ITPKB: variants seen among roughly 807,000 people sequenced by gnomAD.
The protein encoded by ITPKB is IP3 3-kinase B.
In ITPKB, 13 loss-of-function variants were observed where a neutral mutation model predicts 69.4. That is an observed-to-expected ratio of 0.19 (90% CI 0.12 to 0.30). The LOEUF (loss-of-function observed/expected upper bound fraction) is 0.30. Among genes scored for constraint, ITPKB ranks in the 10% least tolerant of loss-of-function variants. The pLI, the probability that ITPKB is intolerant of heterozygous loss-of-function variation, is 1.00. For missense variants in ITPKB, 1,240 were observed against 1,250.5 expected (o/e 0.99, Z 0.13); for synonymous variants, 584 against 513.7 (o/e 1.14, Z -1.85).
Position 226,739,175 on chromosome 1 carries a change from G to C in ITPKB, c.-340C>G, listed in dbSNP as rs931177990. 6.6e-6 allele frequency: 1 copy of C among 152,190 alleles called. No homozygotes were observed. The highest frequency in any genetic ancestry group is 1.9e-4 in the East Asian group (1 of 5,192). The allele number at this position is 152,190 out of a possible 1,614,324, so 9.4% of individuals were successfully genotyped here. Reference sequence around the variant, plus strand: ...ACAAGCTATGGAAGACAAAAAAGAGGAGTGCGAAAGAGGGGGGAAAGCTCT... The same window carrying C: ...ACAAGCTATGGAAGACAAAAAAGAGCAGTGCGAAAGAGGGGGGAAAGCTCT... On this transcript the variant is annotated 5_prime_UTR_variant, in exon 1 of 8. Transcript: ENST00000429204.
intron 7 of ITPKB, among the ~76,000 whole-genome samples, chr1:226,635,517 T>C (rs1433290576): frequency 6.6e-6 from 1 of 152,166 alleles, no homozygotes; most frequent in South Asian, 2.1e-4. Context: ...TGAATCACAC[T>C]GCACCTGGGC....
chr1:226,676,791 A>G (rs1205832452), intron 2 of ITPKB, among the ~76,000 whole-genome samples: 1 of 152,256 alleles, frequency 6.6e-6, no homozygotes, highest in African/African-American at 2.4e-5. Flanking sequence ...TTTCTAAATA[A>G]GTTTATCCAA....
At chr1:226,724,927 G>A (rs1657362340) in intron 2 of ITPKB, among the ~76,000 whole-genome samples, 1 of 152,180 alleles carries the variant, frequency 6.6e-6, no homozygotes. Context: ...GCCTCCGTGA[G>A]CCTCTGGATC....
chr1:226,671,792 A>C (rs1412035192), intron 2 of ITPKB, among the ~76,000 whole-genome samples: 2 of 152,212 alleles, frequency 1.3e-5, no homozygotes, highest in Admixed American at 1.3e-4. Context: ...ACAGGCTTTG[A>C]GACAGGTGTG....
intron 2 of ITPKB, among the ~76,000 whole-genome samples, chr1:226,680,373 G>C (rs564722905): frequency 1.1e-4 from 16 of 152,190 alleles, no homozygotes; most frequent in South Asian, 4.1e-4. Context: ...TGGCAGAGAG[G>C]GGGGAGGTAG....
At chr1:226,723,742 GC>G (rs1657314796) in intron 2 of ITPKB, among the ~76,000 whole-genome samples, 1 of 152,116 alleles carries the variant, frequency 6.6e-6, no homozygotes, top group Non-Finnish European at 1.5e-5. Flanking sequence ...GATGACCTCA[GC>G]CAGTTTCCAC....
intron 2 of ITPKB, among the ~76,000 whole-genome samples, chr1:226,720,689 C>T (rs1053487489): frequency 1.3e-5 from 2 of 152,140 alleles, no homozygotes; most frequent in Non-Finnish European, 2.9e-5. Context: ...TTTTTACAGC[C>T]GTACCACCTG....
At chr1:226,701,536 G>A (rs1199921430) in intron 2 of ITPKB, among the ~76,000 whole-genome samples, 3 of 148,658 alleles carry the variant, frequency 2.0e-5, no homozygotes, top group Non-Finnish European at 3.0e-5. Flanking sequence ...CCCAAGAGGC[G>A]GAGCTTGCAG....
chr1:226,698,740 A>G (rs1656560796), intron 2 of ITPKB, among the ~76,000 whole-genome samples: 1 of 152,242 alleles, frequency 6.6e-6, no homozygotes. Flanking sequence ...GCTCCAGGCC[A>G]CTGGGCTAGA....
At chr1:226,700,090 G>C (rs1656597569) in intron 2 of ITPKB, among the ~76,000 whole-genome samples, 1 of 152,174 alleles carries the variant, frequency 6.6e-6, no homozygotes, top group African/African-American at 2.4e-5. Context: ...TGCCCACCCA[G>C]ATTAAGGGTG....
At position 226,737,353 on chromosome 1, in the gene ITPKB, G is replaced by C. The variant is rs1409160041; in HGVS notation, c.106C>G (p.Pro36Ala). Residue 36 changes from proline to alanine, a missense_variant, in exon 2 of 8, where the codon CCC (proline) becomes GCC (alanine). Pro to Ala is a conservative substitution (Grantham distance 27). Coordinates refer to ENST00000429204, the MANE Select transcript of ITPKB (RefSeq NM_002221.4). Reference protein sequence around the residue: ...PGPSGSETPPPPRRAVLSPGS... With the variant: ...PGPSGSETPPAPRRAVLSPGS... ...GGGCTCAGCACTGCCCTCCTCGGGG[G>C]CGGGGGCGTCTCGCTGCCACTGGGC... The C allele has an allele frequency of 1.2e-6, 2 of 1,605,286 alleles. No individual in the cohort carries two copies. Among genetic ancestry groups the C allele is most frequent in the Admixed American group, 1.7e-5 (1 of 59,850 alleles).
chr1:226,727,502 G>A (rs1657461085), intron 2 of ITPKB, among the ~76,000 whole-genome samples: 1 of 152,190 alleles, frequency 6.6e-6, no homozygotes, highest in Non-Finnish European at 1.5e-5. Flanking sequence ...CCTTCTCGCG[G>A]CAGGCTGAAC....
intron 2 of ITPKB, among the ~76,000 whole-genome samples, chr1:226,702,956 G>A (rs1318178659): frequency 6.6e-6 from 1 of 152,104 alleles, no homozygotes; most frequent in South Asian, 2.1e-4. Flanking sequence ...CCCTATCGAG[G>A]GAAAATCTGA....
rs112559528 is a variant in ITPKB at position 226,639,650 on chromosome 1, G to A, written c.2460C>T (p.Asp820=). ...TCTTGAAGTCCCGGTTCACGGTGCC[G>A]TCTTCTTTCTGAGAAAGAGAACACC... ...GFRIEGIKKE[D]GTVNRDFKKT... is the part of the protein sequence containing the mutation. Residue 820 remains aspartate (D), a synonymous_variant, in exon 6 of 8, where the codon GAC becomes GAT. Coordinates refer to ENST00000429204, the MANE Select transcript of ITPKB (RefSeq NM_002221.4). 24 of 1,611,954 alleles carry A rather than the reference G, an allele frequency of 1.5e-5. No individual in the cohort carries two copies. Among genetic ancestry groups the A allele is most frequent in the African/African-American group, 2.7e-5 (2 of 74,860 alleles).
chr1:226,724,600 CT>C (rs1657350854), intron 2 of ITPKB, among the ~76,000 whole-genome samples: 1 of 152,196 alleles, frequency 6.6e-6, no homozygotes, highest in Non-Finnish European at 1.5e-5. Context: ...GATGATGCAA[CT>C]GAGGAGCAGA....
intron 2 of ITPKB, among the ~76,000 whole-genome samples, chr1:226,701,753 T>G (rs1258781913): frequency 1.3e-5 from 2 of 152,214 alleles, no homozygotes; most frequent in Non-Finnish European, 2.9e-5. Context: ...TCCCAAATTC[T>G]GCTGCTGGCT....
rs1193523886 is a variant in ITPKB, at chr1:226,738,130, T to C, written c.-205-467A>G. Among the ~76,000 whole-genome samples the C allele has an allele frequency of 6.6e-6, 1 of 151,988 alleles. No individual in the cohort carries two copies. The highest frequency in any genetic ancestry group is 1.5e-5 in the Non-Finnish European group (1 of 67,966). ...GCCCTGGGCTTCAGGGTCTCCCTGC[T>C]CCACCCTCTCGGGGCATCAGAGACC... On this transcript the variant is annotated intron_variant, in intron 1 of 7. Transcript: ENST00000429204. The surrounding 1 kb of genome is among the most constrained non-coding windows in gnomAD (Gnocchi z 4.2).
intron 2 of ITPKB, among the ~76,000 whole-genome samples, chr1:226,712,070 A>G (rs1656974025): frequency 1.3e-5 from 2 of 152,294 alleles, no homozygotes; most frequent in Middle Eastern, 3.4e-3. Context: ...GTGTACAGTA[A>G]GCCGCGAGGG....
chr1:226,641,832 T>C lies in ITPKB; in HGVS notation c.2451+89A>G, dbSNP rs908061723. The C allele has an allele frequency of 8.1e-7, 1 of 1,239,600 alleles. No individual in the cohort carries two copies. The highest frequency in any genetic ancestry group is 1.5e-5 in the African/African-American group (1 of 66,826). 76.8% of individuals were successfully genotyped at this position (1,239,600 alleles called of 1,614,324 possible). A position where few individuals can be genotyped will look rare whatever the true frequency, so the allele number is the denominator to read the frequency against. ...ATTCTGAGCCTGTGCCTGGAGAAGC[T>C]TACAGCTTCCAAAGGGCGCTGAGAG... On this transcript the variant is annotated intron_variant, in intron 5 of 7. Transcript: ENST00000429204. This position sits in a 1 kb window ranked among gnomAD's most constrained non-coding sequence, Gnocchi z 4.6.
Sources: gnomAD v4.1 joint callset for allele counts (sites outside exome capture counted in the v4.1 genomes callset) on GRCh38, gnomAD v4.1.1 for gene constraint, Gnocchi (gnomAD v3.1) non-coding constraint, MANE v1.5 for transcripts, NCBI Gene and HGNC (gene_info 2026-07-23, HGNC 2026-07-21) for gene names.